Variants in XPO4 observed in about 807,000 individuals in gnomAD.
XPO4 encodes the protein exportin 4, also known as exportin-4.
XPO4 carries 39 observed loss-of-function variants against 143.0 expected under a neutral mutation model. That is an observed-to-expected ratio of 0.27 (90% CI 0.21 to 0.36). The LOEUF (loss-of-function observed/expected upper bound fraction) is 0.36. Ranked by LOEUF, XPO4 falls within the 10% of genes least tolerant of loss-of-function variation. The probability of loss-of-function intolerance (pLI) is 1.00; values close to 1 mark genes in which losing one functional copy is unlikely to be tolerated. For missense variants in XPO4, 907 were observed against 1,348.0 expected (o/e 0.67, Z 5.12); for synonymous variants, 439 against 474.0 (o/e 0.93, Z 0.96).
At chr13:20,838,700 C>A (rs1051698947) in intron 6 of XPO4, among the ~76,000 whole-genome samples, 1 of 151,604 alleles carries the variant, frequency 6.6e-6, no homozygotes. Flanking sequence ...TAGATCACTG[C>A]AACTTCAAAC....
chr13:20,866,611 G>A (rs1258187300), intron 2 of XPO4, among the ~76,000 whole-genome samples: 3 of 152,130 alleles, frequency 2.0e-5, no homozygotes, highest in Admixed American at 2.0e-4. Context: ...ATGTAACACA[G>A]GGCTTTGCAG....
intron 4 of XPO4, chr13:20,849,412 C>T (rs2060061446): frequency 1.0e-6 from 1 of 984,680 alleles, no homozygotes; most frequent in Non-Finnish European, 1.2e-6. Flanking sequence ...TAACGTATGC[C>T]TACTGCTTTC....
At chr13:20,790,625 A>G (rs905014470) in intron 18 of XPO4, 45 bp from the exon 19 acceptor site, 33 of 1,475,876 alleles carry the variant, frequency 2.2e-5, no homozygotes, top group Non-Finnish European at 2.8e-5. Flanking sequence ...AACATCAATA[A>G]ATCTTCCAAG....
In XPO4 at chr13:20,809,757, T is replaced by C. The variant is rs373816428; in HGVS notation, c.1350+34A>G. On this transcript the variant is annotated intron_variant, in intron 10 of 22. Coordinates refer to ENST00000255305, the MANE Select transcript of XPO4 (RefSeq NM_022459.5). ...TGGTAAAATATAGCCTATGATGAAA[T>C]AGACTGTTAATTACCATCTTGCTTA... The C allele has an allele frequency of 7.5e-5, 118 of 1,567,544 alleles. 1 individual carries two copies. Among genetic ancestry groups the C allele is most frequent in the Non-Finnish European group, 8.7e-5 (101 of 1,158,244 alleles).
chr13:20,900,358 T>A (rs1595177278), intron 1 of XPO4, among the ~76,000 whole-genome samples: 1 of 151,748 alleles, frequency 6.6e-6, no homozygotes, highest in Non-Finnish European at 1.5e-5. Context: ...CACTCCAGCC[T>A]GGGCAACAGA....
chr13:20,802,971 T>C (rs2059454772), intron 13 of XPO4, among the ~76,000 whole-genome samples: 1 of 152,160 alleles, frequency 6.6e-6, no homozygotes, highest in African/African-American at 2.4e-5. Flanking sequence ...CTTAGTAGGG[T>C]TCTTTCCCCA....
chr13:20,902,645 G>A, intron 1 of XPO4, 25 bp downstream of exon 1: 3 of 1,549,244 alleles, frequency 1.9e-6, no homozygotes, highest in Non-Finnish European at 2.6e-6. Context: ...CGAATCCCGG[G>A]GTCTGAGGGG....
At chr13:20,860,890 A>G (rs1370319420) in intron 3 of XPO4, among the ~76,000 whole-genome samples, 1 of 152,052 alleles carries the variant, frequency 6.6e-6, no homozygotes, top group Non-Finnish European at 1.5e-5. Flanking sequence ...CAACACTAAT[A>G]GGCTACAGAA....
intron 1 of XPO4, among the ~76,000 whole-genome samples, chr13:20,874,560 C>T (rs2060333355): frequency 6.6e-6 from 1 of 152,082 alleles, no homozygotes; most frequent in Non-Finnish European, 1.5e-5. Context: ...TTAAATTAGG[C>T]CCTATTTCTC....
intron 1 of XPO4, among the ~76,000 whole-genome samples, chr13:20,889,247 T>G (rs933400220): frequency 1.3e-5 from 2 of 152,136 alleles, no homozygotes; most frequent in Non-Finnish European, 2.9e-5. Context: ...GGCTAGTAAT[T>G]ATCACATTGC....
chr13:20,852,107 T>C (rs1488226782), intron 4 of XPO4: 3 of 985,286 alleles, frequency 3.0e-6, no homozygotes, highest in Non-Finnish European at 2.4e-6. Flanking sequence ...GCAGGCCGCA[T>C]AAATTCTACC....
At chr13:20,825,397 TTAAA>T (rs1204634923) in intron 7 of XPO4, among the ~76,000 whole-genome samples, 1 of 152,174 alleles carries the variant, frequency 6.6e-6, no homozygotes, top group African/African-American at 2.4e-5. Context: ...TTAACCAAAG[TTAAA>T]TAAAAAGATT....
At chr13:20,797,159 G>A (rs776884207) in intron 16 of XPO4, 102 bp from the exon 17 acceptor site, 24 of 1,162,696 alleles carry the variant, frequency 2.1e-5, no homozygotes, top group Non-Finnish European at 2.6e-5. Context: ...AATTGTTGGA[G>A]GCAGGACAAG....
At chr13:20,791,265 T>C (rs1386538867) in intron 18 of XPO4, among the ~76,000 whole-genome samples, 1 of 152,190 alleles carries the variant, frequency 6.6e-6, no homozygotes, top group Non-Finnish European at 1.5e-5. Context: ...CTACTTCTGA[T>C]TCATTACATT....
chr13:20,790,501 T>C lies in XPO4; in HGVS notation c.2877A>G (p.Val959=). ...VSAADVVLYG[V]NLILPLMSQD... ...GTGACATCAAGGGCAGAATTAGGTT[T>C]ACTCCATACAACACAACATCCGCTG... The change falls in exon 19 of 23, where the codon GTA becomes GTG. Residue 959 remains valine, a synonymous_variant. Transcript: ENST00000255305. 2 of 1,614,194 alleles carry C rather than the reference T, an allele frequency of 1.2e-6. No homozygotes were observed. The highest frequency in any genetic ancestry group is 1.7e-6 in the Non-Finnish European group (2 of 1,180,024).
intron 1 of XPO4, chr13:20,879,146 T>C (rs1428736216): frequency 1.0e-6 from 1 of 985,304 alleles, no homozygotes; most frequent in Non-Finnish European, 1.2e-6. Context: ...ACTTCCATTT[T>C]GACAGCTGCC....
At chr13:20,873,685 C>T (rs1343576417) in intron 1 of XPO4, among the ~76,000 whole-genome samples, 3 of 152,152 alleles carry the variant, frequency 2.0e-5, no homozygotes, top group Non-Finnish European at 4.4e-5. Context: ...GGCTGGAGTG[C>T]AGTGGCACAA....
At chr13:20,893,264 G>A (rs2138184272) in intron 1 of XPO4, among the ~76,000 whole-genome samples, 1 of 152,250 alleles carries the variant, frequency 6.6e-6, no homozygotes, top group Middle Eastern at 3.4e-3. Flanking sequence ...TTGTGAACAA[G>A]AGGCCTTACA....
At chr13:20,863,255 C>T (rs1713258895) in intron 2 of XPO4, 1 of 291,324 alleles carries the variant, frequency 3.4e-6, no homozygotes, top group Non-Finnish European at 5.2e-6. Context: ...AGTCATTGAA[C>T]ATTACTACCT....
Sources: gnomAD v4.1 joint callset for allele counts (sites outside exome capture counted in the v4.1 genomes callset) on GRCh38, gnomAD v4.1.1 for gene constraint, MANE v1.5 for transcripts, NCBI Gene and HGNC (gene_info 2026-07-23, HGNC 2026-07-21) for gene names.